The following FMN1 variants were observed in gnomAD, a reference collection of about 807,000 sequenced individuals.
The protein encoded by FMN1 is formin 1, also known as formin-1.
Under a neutral mutation model 132.4 loss-of-function variants are expected in FMN1, and 110 were observed. The observed-to-expected ratio is 0.83, with a 90% confidence interval of 0.71 to 0.97. The LOEUF is 0.97. Among genes scored for constraint, FMN1 ranks in the 50% least tolerant of loss-of-function variants. The pLI, the probability that FMN1 is intolerant of heterozygous loss-of-function variation, is 0.00. For missense variants in FMN1, 1,792 were observed against 1,705.3 expected, an observed-to-expected ratio of 1.05 and a Z score of -0.90; for synonymous variants, 722 against 651.7, an observed-to-expected ratio of 1.11 and a Z score of -1.64.
chr15:33,082,490 CT>C (rs1470392731), intron 5 of FMN1, among the ~76,000 whole-genome samples: 1 of 152,100 alleles, frequency 6.6e-6, no homozygotes, highest in African/African-American at 2.4e-5. Flanking sequence ...CCACCCATGT[CT>C]TTGTTTATAG....
At chr15:33,049,027 T>C (rs2141165795) in intron 6 of FMN1, among the ~76,000 whole-genome samples, 1 of 152,322 alleles carries the variant, frequency 6.6e-6, no homozygotes, top group Middle Eastern at 3.4e-3. Context: ...AAAGGATTGT[T>C]TTAAATTAGG....
chr15:33,121,075 G>C (rs1428685101), intron 4 of FMN1, among the ~76,000 whole-genome samples: 1 of 151,934 alleles, frequency 6.6e-6, no homozygotes, highest in Admixed American at 6.6e-5. Context: ...CTTCCACATG[G>C]GACAGATGAA....
intron 6 of FMN1, among the ~76,000 whole-genome samples, chr15:33,058,814 G>A (rs938206357): frequency 5.9e-5 from 9 of 152,166 alleles, no homozygotes; most frequent in Admixed American, 2.0e-4. Flanking sequence ...ATGATGCGGT[G>A]TTTTGATACA....
chr15:33,054,376 C>A (rs2037120000), intron 6 of FMN1, among the ~76,000 whole-genome samples: 1 of 151,948 alleles, frequency 6.6e-6, no homozygotes, highest in Admixed American at 6.6e-5. Context: ...TTTTTTTCAT[C>A]TAAATATTCT....
chr15:32,767,727 T>G lies in FMN1; in HGVS notation c.*6583A>C, dbSNP rs534172583. On this transcript the variant is annotated 3_prime_UTR_variant, in exon 21 of 21. Coordinates refer to ENST00000616417, the MANE Select transcript of FMN1 (RefSeq NM_001277313.2). Reference sequence around the variant, plus strand: ...TCATATTACTTATGCCTTGGGAAATTACAGAATTGCACAATTATAAATTTA... The same window carrying G: ...TCATATTACTTATGCCTTGGGAAATGACAGAATTGCACAATTATAAATTTA... 40 of 152,276 alleles carry G rather than the reference T, an allele frequency of 2.6e-4. No homozygotes were observed. Among genetic ancestry groups the G allele is most frequent in the African/African-American group, 9.4e-4 (39 of 41,558 alleles). 9.4% of individuals were successfully genotyped at this position (152,276 alleles called of 1,614,324 possible). A position where few individuals can be genotyped will look rare whatever the true frequency, so the allele number is the denominator to read the frequency against.
intron 4 of FMN1, among the ~76,000 whole-genome samples, chr15:33,100,164 G>T (rs765048176): frequency 7.0e-6 from 1 of 142,872 alleles, no homozygotes; most frequent in Non-Finnish European, 1.5e-5. Flanking sequence ...CTAACGAAAT[G>T]AATCTTTTTG....
intron 4 of FMN1, among the ~76,000 whole-genome samples, chr15:33,120,528 GA>G (rs1962450808): frequency 6.6e-6 from 1 of 152,142 alleles, no homozygotes; most frequent in Non-Finnish European, 1.5e-5. Context: ...CAAAAAATGA[GA>G]AAACCTCATG....
chr15:32,911,121 C>T (rs1274176713), intron 10 of FMN1, among the ~76,000 whole-genome samples: 1 of 152,142 alleles, frequency 6.6e-6, no homozygotes, highest in Non-Finnish European at 1.5e-5. Flanking sequence ...GCTCTCATTC[C>T]CATGGCTTTA....
intron 7 of FMN1, among the ~76,000 whole-genome samples, chr15:33,006,442 G>A (rs969760141): frequency 1.3e-5 from 2 of 152,138 alleles, no homozygotes; most frequent in Non-Finnish European, 2.9e-5. Context: ...CACACTGTTG[G>A]TAGGAATGTA....
At chr15:32,809,865 A>C (rs1364782127) in intron 17 of FMN1, among the ~76,000 whole-genome samples, 1 of 152,108 alleles carries the variant, frequency 6.6e-6, no homozygotes, top group African/African-American at 2.4e-5. Flanking sequence ...GTTGCAACCA[A>C]AATCTGTTTT....
At chr15:32,929,489 CATT>C (rs2061050423) in intron 9 of FMN1, among the ~76,000 whole-genome samples, 1 of 152,062 alleles carries the variant, frequency 6.6e-6, no homozygotes, top group South Asian at 2.1e-4. Context: ...ATGTATAGTA[CATT>C]ATTAACCACA....
chr15:32,916,245 C>A (rs1380657653), intron 10 of FMN1, among the ~76,000 whole-genome samples: 1 of 152,200 alleles, frequency 6.6e-6, no homozygotes, highest in Non-Finnish European at 1.5e-5. Flanking sequence ...TGGCTTTTCA[C>A]AAGACCAGGG....
intron 7 of FMN1, among the ~76,000 whole-genome samples, chr15:32,983,190 G>C (rs1008504481): frequency 1.3e-5 from 2 of 152,084 alleles, no homozygotes; most frequent in African/African-American, 4.8e-5. Context: ...AAAAAGAAAT[G>C]GATTTCAGGT....
At chr15:33,029,202 T>G (rs867469275) in intron 6 of FMN1, among the ~76,000 whole-genome samples, 42 of 152,158 alleles carry the variant, frequency 2.8e-4, no homozygotes, top group African/African-American at 9.2e-4. Flanking sequence ...CTCATTCGAT[T>G]TATAGCATAG....
intron 5 of FMN1, among the ~76,000 whole-genome samples, chr15:33,076,626 C>G (rs2038221025): frequency 6.6e-6 from 1 of 152,118 alleles, no homozygotes; most frequent in Non-Finnish European, 1.5e-5. Flanking sequence ...CTCACCCTCT[C>G]CATAACTCTA....
intron 17 of FMN1, among the ~76,000 whole-genome samples, chr15:32,842,714 G>T (rs977439171): frequency 2.0e-5 from 3 of 151,602 alleles, no homozygotes; most frequent in Non-Finnish European, 4.4e-5. Flanking sequence ...ACATTTTTTA[G>T]CAAGTTTGAT....
At chr15:33,144,977 G>T (rs978635603) in intron 4 of FMN1, among the ~76,000 whole-genome samples, 2 of 152,034 alleles carry the variant, frequency 1.3e-5, no homozygotes, top group African/African-American at 4.8e-5. Context: ...TCAAAAAACC[G>T]CTATGAAATT....
intron 9 of FMN1, among the ~76,000 whole-genome samples, chr15:32,929,572 A>G (rs991106262): frequency 5.9e-5 from 9 of 152,320 alleles, no homozygotes; most frequent in African/African-American, 2.2e-4. Context: ...TACCCACAGA[A>G]TAGCAGATTT....
intron 10 of FMN1, among the ~76,000 whole-genome samples, chr15:32,912,045 C>G (rs756651765): frequency 6.6e-6 from 1 of 152,172 alleles, no homozygotes; most frequent in Non-Finnish European, 1.5e-5. Flanking sequence ...AATCAACCAA[C>G]ATGAGCGCAT....
Sources: gnomAD v4.1 joint callset for allele counts (sites outside exome capture counted in the v4.1 genomes callset) on GRCh38, gnomAD v4.1.1 for gene constraint, MANE v1.5 for transcripts, NCBI Gene and HGNC (gene_info 2026-07-23, HGNC 2026-07-21) for gene names.